The following STIL variants were observed in gnomAD, a reference collection of about 807,000 sequenced individuals.
The protein encoded by STIL is STIL centriolar assembly protein, also known as SCL-interrupting locus protein.
Under a neutral mutation model 110.1 loss-of-function variants are expected in STIL, and 55 were observed. That is an observed-to-expected ratio of 0.50 (90% CI 0.40 to 0.63). The LOEUF (loss-of-function observed/expected upper bound fraction) is 0.63, where lower values mean the gene tolerates loss of function less well. STIL is among the 20% of genes least tolerant of loss of function. The pLI is 0.00. For synonymous variants in STIL, 481 were observed against 530.0 expected, an observed-to-expected ratio of 0.91 and a Z score of 1.27; for missense variants, 1,358 against 1,530.0, an observed-to-expected ratio of 0.89 and a Z score of 1.87.
intron 10 of STIL, among the ~76,000 whole-genome samples, chr1:47,284,817 G>A (rs964497202): frequency 6.6e-6 from 1 of 151,738 alleles, no homozygotes; most frequent in Non-Finnish European, 1.5e-5. Context: ...TTGAACCTGC[G>A]AAGTGGAGGT....
chr1:47,272,280 G>T (rs1644865001), intron 12 of STIL, 39 bp from the exon 13 acceptor site: 2 of 1,610,368 alleles, frequency 1.2e-6, no homozygotes, highest in African/African-American at 1.3e-5. Flanking sequence ...TGACAGGGAA[G>T]TAATCAACAA....
At chr1:47,273,164 C>T (rs1218835490) in intron 12 of STIL, among the ~76,000 whole-genome samples, 1 of 152,152 alleles carries the variant, frequency 6.6e-6, no homozygotes, top group Non-Finnish European at 1.5e-5. Context: ...AATCTGAAAG[C>T]TGAGGTTCAA....
intron 7 of STIL, among the ~76,000 whole-genome samples, chr1:47,294,859 T>C (rs749673494): frequency 1.3e-5 from 2 of 152,214 alleles, no homozygotes; most frequent in Non-Finnish European, 2.9e-5. Context: ...TGAGTGGTAG[T>C]GAGAGAATAC....
At chr1:47,298,526 C>G (rs1645706291) in intron 6 of STIL, among the ~76,000 whole-genome samples, 1 of 151,956 alleles carries the variant, frequency 6.6e-6, no homozygotes, top group African/African-American at 2.4e-5. Context: ...ATTTAATTAT[C>G]TCCTTTCTCT....
chr1:47,291,996 C>T (rs960681172), intron 8 of STIL, among the ~76,000 whole-genome samples: 1 of 151,664 alleles, frequency 6.6e-6, no homozygotes, highest in African/African-American at 2.4e-5. Context: ...GGACTACAGG[C>T]ATGTGTCATT....
In STIL at chr1:47,281,320, T is replaced by G. The variant is rs956526810; in HGVS notation, c.1249-111A>C. 4.3e-6 allele frequency: 5 copies of G among 1,151,804 alleles called. No homozygotes were observed. In the African/African-American group the frequency reaches 7.8e-5, roughly 18 times the overall value. The allele number at this position is 1,151,804 out of a possible 1,614,324, so 71.3% of individuals were successfully genotyped here. On this transcript the variant is annotated intron_variant, in intron 11 of 16. Coordinates refer to ENST00000371877, the MANE Select transcript of STIL (RefSeq NM_001048166.1). ...TTATATCTAATTACATATTAACAAG[T>G]GTTCATTCTTTATTTAGACCATCAG...
rs1448624665 is a variant in STIL at position 47,289,467 on chromosome 1, G to A, written c.991C>T (p.Leu331=). The A allele has an allele frequency of 1.1e-5, 18 of 1,613,770 alleles. No individual in the cohort carries two copies. Among genetic ancestry groups the A allele is most frequent in the Non-Finnish European group, 1.4e-5 (17 of 1,179,862 alleles). Residue 331 remains leucine (L), a synonymous_variant, in exon 9 of 17, where the codon CTA becomes TTA. Coordinates refer to ENST00000371877, the MANE Select transcript of STIL (RefSeq NM_001048166.1). The stretch of plus-strand genomic sequence containing the variant: ...AGATGTAATGTTTCCTTACTGGTTA[G>A]CAACTGAAACCGAAAGTCAGGTATC... The part of the protein sequence containing the change: ...GKIPDFRFQL[L]TSKETLHLFK...
At chr1:47,271,480 A>T (rs1570103897) in intron 13 of STIL, among the ~76,000 whole-genome samples, 1 of 149,228 alleles carries the variant, frequency 6.7e-6, no homozygotes, top group African/African-American at 2.5e-5. Context: ...AATCACTTGA[A>T]CCCAGGAGGC....
intron 3 of STIL, among the ~76,000 whole-genome samples, chr1:47,304,149 GTTTT>G (rs201833770): frequency 6.9e-6 from 1 of 145,280 alleles, no homozygotes; most frequent in Non-Finnish European, 1.5e-5. Flanking sequence ...TTATTGCACC[GTTTT>G]TTTTTCCTTA....
At chr1:47,300,493 A>G (rs1645773348) in intron 5 of STIL, among the ~76,000 whole-genome samples, 1 of 150,504 alleles carries the variant, frequency 6.6e-6, no homozygotes, top group East Asian at 1.9e-4. Flanking sequence ...TTTGAGAAGG[A>G]GTCTCGTTCT....
At chr1:47,252,245 G>A (rs937366616) in intron 16 of STIL, among the ~76,000 whole-genome samples, 15 of 152,120 alleles carry the variant, frequency 9.9e-5, no homozygotes, top group Non-Finnish European at 2.1e-4. Context: ...GGCCAGGCAT[G>A]GTGGTGCACA....
intron 6 of STIL, among the ~76,000 whole-genome samples, chr1:47,298,721 A>G (rs951110214): frequency 1.3e-5 from 2 of 151,964 alleles, no homozygotes; most frequent in African/African-American, 4.8e-5. Context: ...CAAATAATAA[A>G]TTATCAACCA....
At chr1:47,293,366 G>T in intron 8 of STIL, 92 bp downstream of exon 8, 2 of 1,002,252 alleles carry the variant, frequency 2.0e-6, no homozygotes, top group Non-Finnish European at 3.1e-6. Context: ...ATTGTAAAAG[G>T]TTACGGCATT....
intron 16 of STIL, among the ~76,000 whole-genome samples, chr1:47,257,020 T>C (rs1273872448): frequency 6.6e-6 from 1 of 151,858 alleles, no homozygotes; most frequent in African/African-American, 2.4e-5. Context: ...TCCAGGAAAC[T>C]GACCAAAGAG....
intron 16 of STIL, among the ~76,000 whole-genome samples, chr1:47,256,349 G>A (rs1301111135): frequency 6.6e-6 from 1 of 152,146 alleles, no homozygotes; most frequent in Admixed American, 6.5e-5. Context: ...CTTCGCTGGA[G>A]CAGTGGCTCA....
intron 1 of STIL, among the ~76,000 whole-genome samples, chr1:47,313,757 C>T (rs1646208543): frequency 6.6e-6 from 1 of 152,166 alleles, no homozygotes; most frequent in Admixed American, 6.5e-5. Flanking sequence ...AATGCAAGAG[C>T]GAGCATTCAA....
chr1:47,302,049 G>A (rs904910680), intron 4 of STIL, among the ~76,000 whole-genome samples, 185 bp downstream of exon 4: 5 of 152,090 alleles, frequency 3.3e-5, no homozygotes, highest in Non-Finnish European at 7.4e-5. Flanking sequence ...ATAGTTGGCC[G>A]AATCAATAAA....
At chr1:47,262,204 A>G (rs1471926728) in intron 15 of STIL, among the ~76,000 whole-genome samples, 1 of 152,164 alleles carries the variant, frequency 6.6e-6, no homozygotes, top group Non-Finnish European at 1.5e-5. Context: ...ATGAATACAT[A>G]GGGCCCTGTG....
In STIL at chr1:47,311,275, C is replaced by CTTTTT. The variant is rs60248293; in HGVS notation, c.-43-918_-43-914dup. Among the ~76,000 whole-genome samples the CTTTTT allele has an allele frequency of 3.3e-3, 482 of 144,124 alleles. 2 individuals are homozygous for CTTTTT. The highest frequency in any genetic ancestry group is 0.013 in the African/African-American group (464 of 36,310). 94.6% of individuals were successfully genotyped at this position (144,124 alleles called of 152,430 possible). On this transcript the variant is annotated intron_variant, in intron 1 of 16. Coordinates refer to ENST00000371877, the MANE Select transcript of STIL (RefSeq NM_001048166.1). ...CTGAGTTTCAAATCCATTTTCTTTT[C>CTTTTT]TTTTTTTCTTTTTTTTTTTTTTTTG...
Sources: gnomAD v4.1 joint callset for allele counts (sites outside exome capture counted in the v4.1 genomes callset) on GRCh38, gnomAD v4.1.1 for gene constraint, MANE v1.5 for transcripts, NCBI Gene and HGNC (gene_info 2026-07-23, HGNC 2026-07-21) for gene names.